The following RALGAPB variants were observed in gnomAD, a reference collection of about 807,000 sequenced individuals.
The protein encoded by RALGAPB is ral GTPase-activating protein subunit beta.
Under a neutral mutation model 161.1 loss-of-function variants are expected in RALGAPB, and 25 were observed. That is an observed-to-expected ratio of 0.16 (90% CI 0.11 to 0.22). The LOEUF is 0.22. Ranked by LOEUF, RALGAPB falls within the 10% of genes least tolerant of loss-of-function variation. The pLI, the probability that RALGAPB is intolerant of heterozygous loss-of-function variation, is 1.00. For missense variants in RALGAPB, 1,391 were observed against 1,815.2 expected (o/e 0.77, Z 4.25); for synonymous variants, 629 against 626.1 (o/e 1.00, Z -0.07).
intron 6 of RALGAPB, among the ~76,000 whole-genome samples, chr20:38,513,145 A>G (rs573494755): frequency 6.6e-6 from 1 of 152,174 alleles, no homozygotes; most frequent in Admixed American, 6.5e-5. Flanking sequence ...ACGCGGGTAG[A>G]TCACCCAAGC....
At chr20:38,554,184 C>A (rs983766362) in intron 22 of RALGAPB, 108 bp downstream of exon 22, 7 of 906,170 alleles carry the variant, frequency 7.7e-6, no homozygotes, top group Non-Finnish European at 9.9e-6. Context: ...AAAAAAAAAA[C>A]TGGTTAAAAT....
intron 22 of RALGAPB, among the ~76,000 whole-genome samples, chr20:38,556,119 G>T (rs1307962645): frequency 6.6e-6 from 1 of 152,112 alleles, no homozygotes; most frequent in African/African-American, 2.4e-5. Flanking sequence ...ACTAGTGTAG[G>T]TTCTTACTTT....
chr20:38,515,453 G>A (rs918468730), intron 6 of RALGAPB, among the ~76,000 whole-genome samples: 3 of 152,124 alleles, frequency 2.0e-5, no homozygotes, highest in Non-Finnish European at 4.4e-5. Context: ...GGAATGCTAA[G>A]CAGACCATTT....
At chr20:38,529,530 T>TA (rs2086583445) in intron 13 of RALGAPB, among the ~76,000 whole-genome samples, 1 of 147,208 alleles carries the variant, frequency 6.8e-6, no homozygotes, top group Non-Finnish European at 1.5e-5. Flanking sequence ...AAAAAAAAAA[T>TA]AAAATAAAAA....
At chr20:38,477,184 G>A (rs1376246967) in intron 1 of RALGAPB, among the ~76,000 whole-genome samples, 1 of 152,146 alleles carries the variant, frequency 6.6e-6, no homozygotes, top group African/African-American at 2.4e-5. Context: ...AAAATGACTA[G>A]TGTAACCAAG....
intron 23 of RALGAPB, among the ~76,000 whole-genome samples, chr20:38,558,837 A>G (rs1322286469): frequency 1.3e-5 from 2 of 152,216 alleles, no homozygotes; most frequent in Non-Finnish European, 2.9e-5. Context: ...GCAGCTTCAA[A>G]GTGATTACTT....
At chr20:38,487,364 C>T (rs967696119) in intron 1 of RALGAPB, among the ~76,000 whole-genome samples, 19 of 151,678 alleles carry the variant, frequency 1.3e-4, no homozygotes, top group African/African-American at 3.2e-4. Flanking sequence ...AATAATAAAT[C>T]GTATACTGAA....
intron 24 of RALGAPB, among the ~76,000 whole-genome samples, chr20:38,564,629 T>G (rs546480269): frequency 6.6e-6 from 1 of 152,280 alleles, no homozygotes; most frequent in Non-Finnish European, 1.5e-5. Context: ...ACTATATAGC[T>G]CTCATGAATG....
rs967299988 is a variant in RALGAPB at position 38,578,796 on chromosome 20, A to G, written c.*3829A>G. The G allele has an allele frequency of 3.9e-5, 6 of 152,634 alleles. No homozygotes were observed. The highest frequency in any genetic ancestry group is 1.4e-4 in the African/African-American group (6 of 41,438). The allele number at this position is 152,634 out of a possible 1,614,324, so 9.5% of individuals were successfully genotyped here. On this transcript the variant is annotated 3_prime_UTR_variant, in exon 30 of 30. Transcript: ENST00000262879. ...TTATGCCGATCCTTTGTCCAGAAGA[A>G]GCCCATGGAATATTGAATGTAATAC...
intron 5 of RALGAPB, among the ~76,000 whole-genome samples, chr20:38,502,238 G>A (rs2085617847): frequency 6.6e-6 from 1 of 152,142 alleles, no homozygotes; most frequent in Non-Finnish European, 1.5e-5. Context: ...ATCTCTGCTT[G>A]AGCAGTTAAT....
At chr20:38,494,079 G>T (rs1342314168) in intron 3 of RALGAPB, among the ~76,000 whole-genome samples, 2 of 152,068 alleles carry the variant, frequency 1.3e-5, no homozygotes, top group African/African-American at 4.8e-5. Flanking sequence ...AACCACTCAG[G>T]CCCACAGCGA....
At chr20:38,544,414 A>G (rs1305777008) in intron 18 of RALGAPB, among the ~76,000 whole-genome samples, 2 of 151,822 alleles carry the variant, frequency 1.3e-5, no homozygotes, top group South Asian at 2.1e-4. Context: ...CTCAACTGGC[A>G]TAGATTTGAC....
At chr20:38,499,215 A>G (rs1230351705) in intron 4 of RALGAPB, among the ~76,000 whole-genome samples, 1 of 152,178 alleles carries the variant, frequency 6.6e-6, no homozygotes, top group African/African-American at 2.4e-5. Flanking sequence ...ATAAGAACTG[A>G]ACAGGGCAAC....
intron 3 of RALGAPB, among the ~76,000 whole-genome samples, chr20:38,496,028 A>G (rs917821115): frequency 2.0e-5 from 3 of 152,078 alleles, no homozygotes; most frequent in Admixed American, 1.3e-4. Context: ...GGGCTATGCT[A>G]TAGTTTTTTA....
chr20:38,559,117 A>T (rs1376069011), intron 23 of RALGAPB, among the ~76,000 whole-genome samples: 1 of 152,250 alleles, frequency 6.6e-6, no homozygotes, highest in Admixed American at 6.5e-5. Flanking sequence ...GAGCTGTAGG[A>T]TATCTTTCTT....
At chr20:38,558,167 TG>T (rs2087654751) in intron 22 of RALGAPB, 127 bp from the exon 23 acceptor site, 1 of 726,558 alleles carries the variant, frequency 1.4e-6, no homozygotes, top group Non-Finnish European at 2.0e-6. Context: ...GGATTATGGT[TG>T]TGTTTATTCC....
At chr20:38,523,521 C>T (rs1327646399) in intron 10 of RALGAPB, among the ~76,000 whole-genome samples, 1 of 152,100 alleles carries the variant, frequency 6.6e-6, no homozygotes, top group South Asian at 2.1e-4. Context: ...AGTTTTGAAT[C>T]GATTGAATTT....
At chr20:38,521,374 A>G (rs2086283718) in intron 9 of RALGAPB, 123 bp from the exon 10 acceptor site, 2 of 1,457,060 alleles carry the variant, frequency 1.4e-6, no homozygotes, top group Non-Finnish European at 1.8e-6. Context: ...GTTGCTAAAC[A>G]AAAGCACTTA....
At chr20:38,549,309 C>A (rs1053033300) in intron 20 of RALGAPB, among the ~76,000 whole-genome samples, 1 of 151,822 alleles carries the variant, frequency 6.6e-6, no homozygotes, top group Admixed American at 6.6e-5. Flanking sequence ...CTCACTGCAG[C>A]CTCAAGCTCC....
Sources: gnomAD v4.1 joint callset for allele counts (sites outside exome capture counted in the v4.1 genomes callset) on GRCh38, gnomAD v4.1.1 for gene constraint, MANE v1.5 for transcripts, NCBI Gene and HGNC (gene_info 2026-07-23, HGNC 2026-07-21) for gene names.